Variants in NFIB observed in about 807,000 individuals in gnomAD.
The protein encoded by NFIB is nuclear factor I B.
NFIB carries 11 observed loss-of-function variants against 61.5 expected under a neutral mutation model. The observed-to-expected ratio is 0.18, with a 90% CI of 0.11 to 0.30. The LOEUF (loss-of-function observed/expected upper bound fraction) is 0.30, where lower values mean the gene tolerates loss of function less well. NFIB is among the 10% of genes least tolerant of loss of function. The pLI, the probability that NFIB is intolerant of heterozygous loss-of-function variation, is 1.00. For synonymous variants in NFIB, 260 were observed against 216.5 expected (o/e 1.20, Z -1.76); for missense variants, 471 against 608.9 (o/e 0.77, Z 2.38).
intron 2 of NFIB, among the ~76,000 whole-genome samples, chr9:14,297,584 G>A (rs2059515101): frequency 6.6e-6 from 1 of 152,202 alleles, no homozygotes; most frequent in Admixed American, 6.5e-5. Flanking sequence ...TTTTCTAGAT[G>A]GGAATGCAGA....
chr9:14,197,611 G>C (rs1587520034), intron 2 of NFIB, among the ~76,000 whole-genome samples: 1 of 152,238 alleles, frequency 6.6e-6, no homozygotes, highest in East Asian at 1.9e-4. Context: ...GGGAGCTTAA[G>C]AAAAAATATG....
chr9:14,414,515 T>A, the NFIB span, among the ~76,000 whole-genome samples: 2 of 149,562 alleles, frequency 1.3e-5, no homozygotes, highest in Non-Finnish European at 3.0e-5. Context: ...TTTTGTATTT[T>A]TTTTTTTTTT....
At chr9:14,514,643 C>A in the NFIB span, among the ~76,000 whole-genome samples, 1 of 152,212 alleles carries the variant, frequency 6.6e-6, no homozygotes, top group African/African-American at 2.4e-5. Context: ...ACCCATATTG[C>A]TTGAGAGATG....
intron 2 of NFIB, among the ~76,000 whole-genome samples, chr9:14,245,202 T>C (rs888758017): frequency 1.3e-5 from 2 of 152,218 alleles, no homozygotes; most frequent in Non-Finnish European, 2.9e-5. Context: ...GTTCTTCCAC[T>C]GCCTCTGTTA....
chr9:14,234,095 T>C, intron 2 of NFIB, among the ~76,000 whole-genome samples: 1 of 152,160 alleles, frequency 6.6e-6, no homozygotes, highest in East Asian at 1.9e-4. Flanking sequence ...AATCCAGGAT[T>C]GAAGCCTGCA....
chr9:14,160,475 G>C (rs2044028313), intron 3 of NFIB, among the ~76,000 whole-genome samples: 1 of 152,064 alleles, frequency 6.6e-6, no homozygotes, highest in Admixed American at 6.6e-5. Flanking sequence ...TTAAATTCAT[G>C]AAAGCCGTCT....
chr9:14,339,425 T>C (rs1348353882), intron 1 of NFIB, among the ~76,000 whole-genome samples: 1 of 152,188 alleles, frequency 6.6e-6, no homozygotes, highest in African/African-American at 2.4e-5. Context: ...GATTCTTTGA[T>C]CATTTCCCAA....
At chr9:14,427,934 G>GTTTTTTTTTTTTTTTTTTTTTTT in the NFIB span, among the ~76,000 whole-genome samples, 74 of 25,920 alleles carry the variant, frequency 2.9e-3, 3 homozygotes, top group South Asian at 5.3e-3. Flanking sequence ...CTTTAATTCA[G>GTTTTTTTTTTTTTTTTTTTTTTT]TTGTTTTTTT....
intron 1 of NFIB, among the ~76,000 whole-genome samples, chr9:14,380,211 C>T (rs1015464832): frequency 6.6e-6 from 1 of 152,140 alleles, no homozygotes; most frequent in Non-Finnish European, 1.5e-5. Context: ...TCCCTTTTAC[C>T]AAGGTCTGCA....
chr9:14,416,971 C>A, the NFIB span, among the ~76,000 whole-genome samples: 4 of 149,340 alleles, frequency 2.7e-5, no homozygotes, highest in Admixed American at 1.3e-4. Flanking sequence ...CAGCTCACTG[C>A]AACCTCCGCC....
chr9:14,098,496 T>C (rs1468832086), intron 10 of NFIB, among the ~76,000 whole-genome samples: 1 of 152,226 alleles, frequency 6.6e-6, no homozygotes, highest in Non-Finnish European at 1.5e-5. Flanking sequence ...CAGTACAGGC[T>C]ATATTCTGAC....
At chr9:14,210,841 T>G (rs1357489912) in intron 2 of NFIB, among the ~76,000 whole-genome samples, 1 of 152,208 alleles carries the variant, frequency 6.6e-6, no homozygotes, top group Non-Finnish European at 1.5e-5. Flanking sequence ...ACTTCCCATT[T>G]CAAATTTCAT....
intron 3 of NFIB, among the ~76,000 whole-genome samples, chr9:14,167,902 A>G (rs917842540): frequency 1.3e-5 from 2 of 152,220 alleles, no homozygotes; most frequent in Admixed American, 6.5e-5. Flanking sequence ...TAATTTGTCA[A>G]ACTGGGAGAA....
the NFIB span, among the ~76,000 whole-genome samples, chr9:14,502,715 T>C: frequency 2.6e-5 from 4 of 152,320 alleles, no homozygotes; most frequent in African/African-American, 9.6e-5. Flanking sequence ...TTTATTTTTA[T>C]TTTTTAATTA....
the NFIB span, among the ~76,000 whole-genome samples, chr9:14,493,693 G>A: frequency 6.6e-6 from 1 of 152,238 alleles, no homozygotes; most frequent in African/African-American, 2.4e-5. Context: ...GGAAAACATG[G>A]CTAAATGGAC....
chr9:14,451,588 T>C, the NFIB span, among the ~76,000 whole-genome samples: 2 of 152,170 alleles, frequency 1.3e-5, no homozygotes, highest in African/African-American at 2.4e-5. Flanking sequence ...AGTTTGACAA[T>C]AGTTTCTAAG....
intron 10 of NFIB, chr9:14,096,425 T>A (rs951078557): frequency 1.3e-5 from 2 of 152,200 alleles, no homozygotes; most frequent in African/African-American, 4.8e-5. Context: ...CCTGCTGGAA[T>A]CTGCAGTCCT....
At chr9:14,466,905 C>A in the NFIB span, among the ~76,000 whole-genome samples, 2 of 152,096 alleles carry the variant, frequency 1.3e-5, no homozygotes, top group Non-Finnish European at 2.9e-5. Context: ...CCTCTATTTG[C>A]CTGAAAACAA....
chr9:14,197,691 G>A (rs919569271), intron 2 of NFIB, among the ~76,000 whole-genome samples: 1 of 152,342 alleles, frequency 6.6e-6, no homozygotes, highest in African/African-American at 2.4e-5. Flanking sequence ...AACTTTGACA[G>A]AACATGTGTT....
Sources: allele counts gnomAD v4.1 joint callset (sites outside exome capture counted in the v4.1 genomes callset), GRCh38; gene constraint gnomAD v4.1.1; transcripts MANE v1.5; gene names NCBI Gene and HGNC (gene_info 2026-07-23, HGNC 2026-07-21).